INPP4B: variants seen among roughly 807,000 people sequenced by gnomAD.
INPP4B encodes inositol polyphosphate-4-phosphatase type II B.
A neutral mutation model predicts 122.5 loss-of-function variants in INPP4B; 55 were observed. The ratio of observed to expected loss-of-function variants is 0.45; its 90% CI spans 0.36 to 0.56. The LOEUF is 0.56. INPP4B is among the 20% of genes least tolerant of loss of function. The pLI, the probability that INPP4B is intolerant of heterozygous loss-of-function variation, is 0.00. For synonymous variants in INPP4B, 403 were observed against 388.7 expected (o/e 1.04, Z -0.43); for missense variants, 1,000 against 1,097.7 (o/e 0.91, Z 1.26).
chr4:142,673,034 G>A (rs961410585), intron 2 of INPP4B, among the ~76,000 whole-genome samples: 1 of 152,040 alleles, frequency 6.6e-6, no homozygotes, highest in Non-Finnish European at 1.5e-5. Context: ...AACATCACAT[G>A]GCCATCCTAC....
In INPP4B at chr4:142,462,935, A is replaced by G. The variant is rs1817008637; in HGVS notation, c.-190-209T>C. Among the ~76,000 whole-genome samples the G allele has an allele frequency of 2.6e-5, 4 of 152,366 alleles. No individual in the cohort carries two copies. The South Asian group carries it at 8.3e-4, about 32-fold the overall frequency. On this transcript the variant is annotated intron_variant, in intron 2 of 25. Coordinates refer to ENST00000262992, the MANE Select transcript of INPP4B (RefSeq NM_001101669.3). ...TTCATTCAGCCCATAGAGCCCCTCTAGAATAAATTATAGCTGATCCTTGTT... is the reference window on the plus strand; with the variant it reads ...TTCATTCAGCCCATAGAGCCCCTCTGGAATAAATTATAGCTGATCCTTGTT...
At chr4:142,677,318 G>A (rs1422043999) in intron 2 of INPP4B, among the ~76,000 whole-genome samples, 2 of 152,198 alleles carry the variant, frequency 1.3e-5, no homozygotes, top group East Asian at 3.9e-4. Flanking sequence ...AGTTAGAATG[G>A]CAATCATTAA....
chr4:142,778,072 C>T (rs1256173827), intron 1 of INPP4B, among the ~76,000 whole-genome samples: 2 of 152,136 alleles, frequency 1.3e-5, no homozygotes, highest in African/African-American at 4.8e-5. Context: ...ACTATTACAC[C>T]ATGTTAGCCA....
At position 142,189,134 on chromosome 4, in the gene INPP4B, G is replaced by A. The variant is rs562658450; in HGVS notation, c.1181+3953C>T. 7.2e-4 allele frequency among the ~76,000 whole-genome samples: 109 copies of A among 152,256 alleles called. 1 individual carries two copies. Among genetic ancestry groups the A allele is most frequent in the African/African-American group, 2.2e-3 (91 of 41,540 alleles). On this transcript the variant is annotated intron_variant, in intron 15 of 25. Coordinates refer to ENST00000262992, the MANE Select transcript of INPP4B (RefSeq NM_001101669.3). ...GTAGTAAGAAAACTTCTCAGTCCCAGAGTTTTTGCCCTGTGACTGTGTAAC... is the reference window on the plus strand; with the variant it reads ...GTAGTAAGAAAACTTCTCAGTCCCAAAGTTTTTGCCCTGTGACTGTGTAAC...
At chr4:142,187,689 G>T (rs1404013442) in intron 15 of INPP4B, among the ~76,000 whole-genome samples, 1 of 151,962 alleles carries the variant, frequency 6.6e-6, no homozygotes, top group Non-Finnish European at 1.5e-5. Flanking sequence ...CACCTTGCAG[G>T]CTCAAGTGAT....
intron 2 of INPP4B, among the ~76,000 whole-genome samples, chr4:142,549,796 G>A (rs1727542187): frequency 6.6e-6 from 1 of 152,170 alleles, no homozygotes; most frequent in African/African-American, 2.4e-5. Context: ...GGGGCCTATG[G>A]CAGTTCAGAA....
At chr4:142,235,449 T>G (rs964534259) in intron 12 of INPP4B, among the ~76,000 whole-genome samples, 1 of 152,036 alleles carries the variant, frequency 6.6e-6, no homozygotes, top group African/African-American at 2.4e-5. Flanking sequence ...TGAGACGGAG[T>G]CTCGCTCTGT....
At chr4:142,841,441 A>G (rs964641943) in intron 1 of INPP4B, among the ~76,000 whole-genome samples, 1 of 152,014 alleles carries the variant, frequency 6.6e-6, no homozygotes, top group Admixed American at 6.6e-5. Context: ...AAAGATTGCT[A>G]TTGATGGTCA....
chr4:142,757,021 A>T (rs1436539897), intron 1 of INPP4B, among the ~76,000 whole-genome samples: 2 of 152,188 alleles, frequency 1.3e-5, no homozygotes, highest in African/African-American at 4.8e-5. Context: ...ATGGTATCTT[A>T]CCTTCATTAA....
At chr4:142,744,707 C>T (rs1224064725) in intron 1 of INPP4B, among the ~76,000 whole-genome samples, 1 of 151,370 alleles carries the variant, frequency 6.6e-6, no homozygotes, top group Non-Finnish European at 1.5e-5. Flanking sequence ...AAATGGGCAT[C>T]TTATTATAAA....
At chr4:142,601,687 T>C (rs1739968623) in intron 2 of INPP4B, among the ~76,000 whole-genome samples, 4 of 151,414 alleles carry the variant, frequency 2.6e-5, no homozygotes, top group Admixed American at 2.6e-4. Flanking sequence ...TAGCAAAAGA[T>C]AGCTGGGCAT....
chr4:142,521,875 G>A (rs923865805), intron 2 of INPP4B, among the ~76,000 whole-genome samples: 1 of 152,008 alleles, frequency 6.6e-6, no homozygotes, highest in African/African-American at 2.4e-5. Context: ...TGCTTTAACT[G>A]AGAAATTGTA....
At chr4:142,082,208 C>T (rs778662511) in intron 24 of INPP4B, 23 bp from the exon 25 acceptor site, 18 of 1,485,166 alleles carry the variant, frequency 1.2e-5, no homozygotes, top group East Asian at 4.6e-5. Context: ...TAAGAACGAA[C>T]GTTTCTTGTT....
At chr4:142,164,646 T>A (rs1821805963) in intron 16 of INPP4B, among the ~76,000 whole-genome samples, 1 of 151,846 alleles carries the variant, frequency 6.6e-6, no homozygotes. Context: ...CTAGTTTGCA[T>A]AAAATTACAG....
At chr4:142,834,649 AC>A (rs1281825505) in intron 1 of INPP4B, among the ~76,000 whole-genome samples, 2 of 152,224 alleles carry the variant, frequency 1.3e-5, no homozygotes, top group African/African-American at 4.8e-5. Context: ...AACAGAAAAT[AC>A]ATGTCTGTGT....
intron 2 of INPP4B, among the ~76,000 whole-genome samples, chr4:142,568,247 G>C (rs996395411): frequency 6.6e-6 from 1 of 151,128 alleles, no homozygotes; most frequent in African/African-American, 2.4e-5. Context: ...TTCTCAAGTC[G>C]TTTCTTTCGT....
At chr4:142,589,192 C>A (rs150850961) in intron 2 of INPP4B, among the ~76,000 whole-genome samples, 7 of 151,894 alleles carry the variant, frequency 4.6e-5, no homozygotes, top group African/African-American at 1.7e-4. Context: ...GAAACATAGA[C>A]CTAAATGTAG....
chr4:142,798,426 G>A (rs1278506600), intron 1 of INPP4B, among the ~76,000 whole-genome samples: 1 of 151,862 alleles, frequency 6.6e-6, no homozygotes, highest in African/African-American at 2.4e-5. Flanking sequence ...TTTCAGAACA[G>A]AATGTGAATA....
intron 25 of INPP4B, among the ~76,000 whole-genome samples, chr4:142,048,543 G>A (rs187071492): frequency 2.0e-5 from 3 of 152,014 alleles, no homozygotes; most frequent in East Asian, 1.9e-4. Flanking sequence ...AATAAAGAGA[G>A]GCAAGGGTTT....
Sources: allele counts gnomAD v4.1 joint callset (sites outside exome capture counted in the v4.1 genomes callset), GRCh38; gene constraint gnomAD v4.1.1; transcripts MANE v1.5; gene names NCBI Gene and HGNC (gene_info 2026-07-23, HGNC 2026-07-21).